MYO10: variants seen among roughly 807,000 people sequenced by gnomAD.
MYO10 encodes the protein unconventional myosin-X.
A neutral mutation model predicts 257.3 loss-of-function variants in MYO10; 133 were observed. The ratio of observed to expected loss-of-function variants is 0.52; its 90% confidence interval spans 0.45 to 0.60. MYO10 has a LOEUF of 0.60. MYO10 is among the 20% of genes least tolerant of loss of function. The probability of loss-of-function intolerance (pLI) is 0.00; values close to 1 mark genes in which losing one functional copy is unlikely to be tolerated. For missense variants in MYO10, 2,399 were observed against 2,635.7 expected (o/e 0.91, Z 1.97); for synonymous variants, 1,104 against 1,028.6 (o/e 1.07, Z -1.40).
At chr5:16,884,832 T>C (rs1393034554) in intron 1 of MYO10, among the ~76,000 whole-genome samples, 1 of 152,168 alleles carries the variant, frequency 6.6e-6, no homozygotes, top group African/African-American at 2.4e-5. Context: ...GACTAGATGA[T>C]TCTTTGTTGG....
At chr5:16,810,928 G>A (rs1042406492) in intron 3 of MYO10, among the ~76,000 whole-genome samples, 1 of 152,032 alleles carries the variant, frequency 6.6e-6, no homozygotes, top group Admixed American at 6.5e-5. Context: ...AATTAGCCGG[G>A]TGTGGTGGCG....
intron 19 of MYO10, among the ~76,000 whole-genome samples, chr5:16,747,951 A>G (rs1316636683): frequency 6.6e-6 from 1 of 150,546 alleles, no homozygotes; most frequent in Non-Finnish European, 1.5e-5. Flanking sequence ...AAAAAAGAAA[A>G]AAAAAAAGAT....
chr5:16,815,407 T>C, intron 3 of MYO10: 1 of 699,814 alleles, frequency 1.4e-6, no homozygotes. Flanking sequence ...ATGTCTTGGA[T>C]TTTGAAGCAT....
chr5:16,754,850 C>T lies in MYO10; in HGVS notation c.1907G>A (p.Cys636Tyr). Reference protein sequence around the residue: ...LSSSNPFFVRCIKPNMQKMPD... With the variant: ...LSSSNPFFVRYIKPNMQKMPD... The stretch of plus-strand genomic sequence containing the variant: ...TACCTTCTGCATGTTTGGCTTGATA[C>T]AGCGAACAAAGAAAGGATTAGAGGA... The change falls in exon 19 of 41, where the codon TGT (cysteine) becomes TAT (tyrosine). Residue 636 changes from cysteine (C) to tyrosine (Y), a missense_variant. Cys to Tyr is a radical substitution (Grantham distance 194). Coordinates refer to ENST00000513610, the MANE Select transcript of MYO10 (RefSeq NM_012334.3). The T allele has an allele frequency of 6.2e-7, 1 of 1,603,798 alleles. No homozygotes were observed. Among genetic ancestry groups the T allele is most frequent in the Non-Finnish European group, 8.5e-7 (1 of 1,173,458 alleles).
chr5:16,848,646 T>C (rs1178256537), intron 2 of MYO10, among the ~76,000 whole-genome samples: 2 of 151,548 alleles, frequency 1.3e-5, no homozygotes, highest in Non-Finnish European at 1.5e-5. Context: ...ATGGCTGCCA[T>C]TAGTAAACAC....
intron 2 of MYO10, among the ~76,000 whole-genome samples, chr5:16,848,389 A>AC (rs1306540447): frequency 6.6e-6 from 1 of 151,918 alleles, no homozygotes; most frequent in African/African-American, 2.4e-5. Flanking sequence ...TGAACTCCTG[A>AC]CTTGAGGTGA....
chr5:16,850,079 A>G (rs1460590292), intron 2 of MYO10, among the ~76,000 whole-genome samples: 1 of 152,200 alleles, frequency 6.6e-6, no homozygotes, highest in East Asian at 1.9e-4. Context: ...ACAAAGAGGA[A>G]TGCTTTTAGG....
chr5:16,687,601 A>G (rs1231251076), intron 28 of MYO10, among the ~76,000 whole-genome samples: 1 of 151,984 alleles, frequency 6.6e-6, no homozygotes, highest in Non-Finnish European at 1.5e-5. Context: ...ATGACACCAT[A>G]TGTAAAGGTA....
At chr5:16,822,298 T>C (rs1742844629) in intron 2 of MYO10, among the ~76,000 whole-genome samples, 1 of 152,006 alleles carries the variant, frequency 6.6e-6, no homozygotes, top group Admixed American at 6.6e-5. Context: ...ATAATTCCTA[T>C]GAGGAAAAAA....
intron 19 of MYO10, among the ~76,000 whole-genome samples, chr5:16,721,894 T>C (rs1739167303): frequency 6.6e-6 from 1 of 152,226 alleles, no homozygotes; most frequent in African/African-American, 2.4e-5. Context: ...AGCCAGCACA[T>C]GCCAGTTTAA....
chr5:16,729,641 T>C (rs1001946114), intron 19 of MYO10, among the ~76,000 whole-genome samples: 1 of 152,114 alleles, frequency 6.6e-6, no homozygotes, highest in African/African-American at 2.4e-5. Flanking sequence ...AGATGGGGTT[T>C]CACCGTGTTA....
Position 16,674,702 on chromosome 5 carries a change from C to T in MYO10, c.4964+151G>A, listed in dbSNP as rs1269569241. Reference sequence around the variant, plus strand: ...AAAAAGGATGGCAGCATTCTCTAAGCTTGCTCAGGCAACCCACAAGTCTGA... The same window carrying T: ...AAAAAGGATGGCAGCATTCTCTAAGTTTGCTCAGGCAACCCACAAGTCTGA... On this transcript the variant is annotated intron_variant, in intron 35 of 40. Transcript: ENST00000513610. The T allele has an allele frequency of 5.9e-6, 5 of 849,650 alleles. No homozygotes were observed. The African/African-American group carries it at 6.8e-5, about 12-fold the overall frequency. 52.6% of individuals were successfully genotyped at this position (849,650 alleles called of 1,614,324 possible).
chr5:16,711,075 C>T (rs1205335206), intron 20 of MYO10, 46 bp downstream of exon 20: 3 of 1,612,888 alleles, frequency 1.9e-6, no homozygotes, highest in East Asian at 4.5e-5. Context: ...CCTGTTTTCT[C>T]CAACCCCTTT....
chr5:16,700,419 G>A (rs183519578), intron 25 of MYO10, among the ~76,000 whole-genome samples: 2 of 152,232 alleles, frequency 1.3e-5, no homozygotes, highest in African/African-American at 2.4e-5. Flanking sequence ...GCTCACGCCT[G>A]TAATCCCAGC....
At chr5:16,669,450 C>T (rs1374428889) in intron 39 of MYO10, among the ~76,000 whole-genome samples, 2 of 152,202 alleles carry the variant, frequency 1.3e-5, no homozygotes, top group African/African-American at 2.4e-5. Context: ...ATGATCCGCC[C>T]GCCTTGGCCT....
intron 1 of MYO10, among the ~76,000 whole-genome samples, chr5:16,880,868 C>T (rs962176288): frequency 5.9e-5 from 9 of 152,216 alleles, no homozygotes; most frequent in Non-Finnish European, 8.8e-5. Flanking sequence ...ATACCCAAGC[C>T]ACATTATTTG....
chr5:16,763,514 T>C lies in MYO10; in HGVS notation c.1461A>G (p.Ile487Met). 1 of 1,612,718 alleles carries C rather than the reference T, an allele frequency of 6.2e-7. No homozygotes were observed. Among genetic ancestry groups the C allele is most frequent in the South Asian group, 1.1e-5 (1 of 91,046 alleles). Residue 487 changes from isoleucine to methionine, a missense_variant, in exon 14 of 41, where the codon ATA (isoleucine) becomes ATG (methionine). By Grantham distance (10) the Ile-to-Met change is conservative. Around this residue, in one of 3 missense-constraint regions of MYO10, gnomAD observed 337 missense variants for 446.8 expected, o/e 0.75. Transcript: ENST00000513610. ...TCAAGTCCAGGCATTCTCCATTGTC[T>C]ATCCAGTCAATATCTTCCCACACTA... ...EGLVWEDIDWIDNGECLDLIE... is the reference protein window; with the variant it reads ...EGLVWEDIDWMDNGECLDLIE...
In MYO10 at chr5:16,672,728, C is replaced by T. The variant is rs1348670729; in HGVS notation, c.5270G>A (p.Ser1757Asn). The T allele has an allele frequency of 6.2e-7, 1 of 1,614,046 alleles. No individual in the cohort carries two copies. The highest frequency in any genetic ancestry group is 1.3e-5 in the African/African-American group (1 of 75,068). Residue 1757 changes from serine to asparagine, a missense_variant, in exon 37 of 41, where the codon AGT (serine) becomes AAT (asparagine). Around this residue, in one of 3 missense-constraint regions of MYO10, gnomAD observed 1,820 missense variants for 1,939.4 expected, o/e 0.94. Coordinates refer to ENST00000513610, the MANE Select transcript of MYO10 (RefSeq NM_012334.3). ...TAAGACATCAGCTACGACGGTTCGA[C>T]TTTCAATGGCTTTGTCGACGTGGCC... ...YNGHVDKAIE[S>N]RTVVADVLAK...
At chr5:16,815,544 G>A (rs1742577957) in intron 3 of MYO10, 8 of 656,510 alleles carry the variant, frequency 1.2e-5, no homozygotes, top group African/African-American at 1.8e-5. Flanking sequence ...AATATGAATG[G>A]CATTTATTTT....
Sources: allele counts gnomAD v4.1 joint callset (sites outside exome capture counted in the v4.1 genomes callset), GRCh38; gene constraint gnomAD v4.1.1; regional missense constraint gnomAD v4.1.1; transcripts MANE v1.5; gene names NCBI Gene and HGNC (gene_info 2026-07-23, HGNC 2026-07-21).